Variants in BAIAP2L2 observed in about 807,000 individuals in gnomAD.
The protein encoded by BAIAP2L2 is BAR/IMD domain-containing adapter protein 2-like 2.
A neutral mutation model predicts 60.4 loss-of-function variants in BAIAP2L2; 65 were observed. The observed-to-expected ratio is 1.08, with a 90% CI of 0.88 to 1.32. BAIAP2L2 has a LOEUF of 1.32. Ranked by LOEUF, BAIAP2L2 falls within the 40% of genes most tolerant of loss-of-function variation. The pLI is 0.00. For synonymous variants in BAIAP2L2, 344 were observed against 301.7 expected (o/e 1.14, Z -1.45); for missense variants, 836 against 741.2 (o/e 1.13, Z -1.48).
rs377202814 is a variant in BAIAP2L2, at chr22:38,102,405, A to G, written c.277-3923T>C. Among the ~76,000 whole-genome samples the G allele has an allele frequency of 3.8e-4, 58 of 152,340 alleles. 1 individual carries two copies. The highest frequency in any genetic ancestry group is 1.3e-3 in the African/African-American group (56 of 41,586). On this transcript the variant is annotated intron_variant, in intron 4 of 13. Transcript: ENST00000381669. ...AGCTGCCATATTTTTGGAAAACTAC[A>G]TAAGAACAACAGAAAGAGATCTTGC...
At chr22:38,107,779 G>C in intron 4 of BAIAP2L2, 73 bp downstream of exon 4, 1 of 1,420,496 alleles carries the variant, frequency 7.0e-7, no homozygotes, top group Admixed American at 1.7e-5. Context: ...CATCTGGTAG[G>C]CTGGGCCCTC....
Position 38,084,966 on chromosome 22 carries a change from CGGAGCA to C in BAIAP2L2, c.*328_*333del, listed in dbSNP as rs1432853267. ...GTACAGAGAGGGCATGTGTTGGGCA[CGGAGCA>C]GGTACAAGGGGCTCCTCCCCACGGG... is the stretch of plus-strand genomic sequence containing the variant. On this transcript the variant is annotated 3_prime_UTR_variant, in exon 14 of 14. Coordinates refer to ENST00000381669, the MANE Select transcript of BAIAP2L2 (RefSeq NM_025045.6). 3.6e-6 allele frequency: 1 copy of C among 279,414 alleles called. No individual in the cohort carries two copies. Among genetic ancestry groups the C allele is most frequent in the Non-Finnish European group, 6.7e-6 (1 of 149,402 alleles). 17.3% of individuals were successfully genotyped at this position (279,414 alleles called of 1,614,324 possible). A position where few individuals can be genotyped will look rare whatever the true frequency, so the allele number is the denominator to read the frequency against.
chr22:38,100,483 C>T (rs1316889952), intron 4 of BAIAP2L2, among the ~76,000 whole-genome samples: 1 of 151,816 alleles, frequency 6.6e-6, no homozygotes, highest in African/African-American at 2.4e-5. Context: ...GCCGAGATCG[C>T]ACCACTGCAT....
intron 1 of BAIAP2L2, among the ~76,000 whole-genome samples, chr22:38,110,120 G>GGAGAGAGAGAGAGAGAGAGAGAGAGA: frequency 5.3e-5 from 1 of 18,828 alleles, no homozygotes; most frequent in Non-Finnish European, 2.1e-4. Flanking sequence ...AGAGAGAGAG[G>GGAGAGAGAGAGAGAGAGAGAGAGAGA]GAGAGAGAGA....
At chr22:38,094,824 C>CATGGGAGGT (rs372167713) in intron 7 of BAIAP2L2, among the ~76,000 whole-genome samples, 1 of 134,598 alleles carries the variant, frequency 7.4e-6, no homozygotes, top group African/African-American at 3.0e-5. Flanking sequence ...TCGGGGAGGG[C>CATGGGAGGT]GTGGGAGGCG....
intron 1 of BAIAP2L2, among the ~76,000 whole-genome samples, chr22:38,109,564 A>C (rs1486019487): frequency 6.6e-6 from 1 of 152,138 alleles, no homozygotes; most frequent in African/African-American, 2.4e-5. Flanking sequence ...CCCACTGGGC[A>C]CGGCTCAGCC....
chr22:38,095,565 A>G (rs954923238), intron 7 of BAIAP2L2, among the ~76,000 whole-genome samples: 18 of 152,058 alleles, frequency 1.2e-4, no homozygotes, highest in African/African-American at 4.1e-4. Context: ...GGGTTTCGCC[A>G]TGTTGGCCAG....
Position 38,086,314 on chromosome 22 carries a change from G to A in BAIAP2L2, c.1395C>T (p.Ser465=). The A allele has an allele frequency of 1.3e-6, 2 of 1,586,316 alleles. No individual in the cohort carries two copies. The highest frequency in any genetic ancestry group is 2.3e-5 in the East Asian group (1 of 44,302). The part of the protein sequence containing the change: ...TPSRVPSRAP[S]PAPPPLPSSR... Reference sequence around the variant, plus strand: ...TGCTGGGCAAGGGTGGAGGTGCAGGGCTGGGGGCACGGCTTGGCACCCGGC... The same window carrying A: ...TGCTGGGCAAGGGTGGAGGTGCAGGACTGGGGGCACGGCTTGGCACCCGGC... Residue 465 remains serine (S), a synonymous_variant, in exon 12 of 14, where the codon AGC becomes AGT. Transcript: ENST00000381669.
intron 4 of BAIAP2L2, 73 bp downstream of exon 4, chr22:38,107,779 G>A: frequency 7.0e-7 from 1 of 1,420,496 alleles, no homozygotes; most frequent in Admixed American, 1.7e-5. Flanking sequence ...CATCTGGTAG[G>A]CTGGGCCCTC....
intron 4 of BAIAP2L2, among the ~76,000 whole-genome samples, chr22:38,105,339 C>CTTTTTTTTTTTTT (rs1035690122): frequency 2.1e-5 from 2 of 94,964 alleles, no homozygotes; most frequent in African/African-American, 7.0e-5. Context: ...TTTTTCTTTT[C>CTTTTTTTTTTTTT]TTTTTTTTTT....
intron 6 of BAIAP2L2, 31 bp downstream of exon 6, chr22:38,098,032 C>CCCCCCCATACA: frequency 7.0e-7 from 1 of 1,429,562 alleles, no homozygotes; most frequent in Non-Finnish European, 9.8e-7. Context: ...CCCGCCCTTC[C>CCCCCCCATACA]TGGCCCACCC....
intron 7 of BAIAP2L2, among the ~76,000 whole-genome samples, chr22:38,095,561 C>T (rs896448193): frequency 2.0e-5 from 3 of 152,110 alleles, no homozygotes; most frequent in African/African-American, 7.2e-5. Flanking sequence ...AACGGGGTTT[C>T]GCCATGTTGG....
chr22:38,088,649 G>A (rs1183498467), intron 10 of BAIAP2L2, 99 bp downstream of exon 10: 1 of 1,241,116 alleles, frequency 8.1e-7, no homozygotes, highest in Non-Finnish European at 1.1e-6. Context: ...AGGCCCCCGG[G>A]GGAGGCCAGG....
At chr22:38,088,630 C>G in intron 10 of BAIAP2L2, 118 bp downstream of exon 10, 1 of 1,020,760 alleles carries the variant, frequency 9.8e-7, no homozygotes, top group South Asian at 1.7e-5. Flanking sequence ...AGGAGAGGAG[C>G]ATTGTCCGAG....
chr22:38,098,207 G>A, intron 5 of BAIAP2L2, 28 bp from the exon 6 acceptor site: 1 of 1,604,620 alleles, frequency 6.2e-7, no homozygotes, highest in Middle Eastern at 1.7e-4. Context: ...CGGGGAGGGA[G>A]AATCCCCCCA....
chr22:38,088,016 G>A (rs991477297), intron 10 of BAIAP2L2, among the ~76,000 whole-genome samples: 2 of 151,856 alleles, frequency 1.3e-5, no homozygotes, highest in East Asian at 1.9e-4. Context: ...TCATCCATCC[G>A]TGGGCTGGTG....
chr22:38,086,357 G>T lies in BAIAP2L2; in HGVS notation c.1352C>A (p.Ser451Tyr). 1 of 773,928 alleles carries T rather than the reference G, an allele frequency of 1.3e-6. No homozygotes were observed. The highest frequency in any genetic ancestry group is 1.9e-6 in the Non-Finnish European group (1 of 525,008). 47.9% of individuals were successfully genotyped at this position (773,928 alleles called of 1,614,324 possible). Residue 451 changes from serine to tyrosine, a missense_variant, in exon 12 of 14, where the codon TCC (serine) becomes TAC (tyrosine). Ser to Tyr is a moderately radical substitution (Grantham distance 144). Transcript: ENST00000381669. ...IAPSEYWDGQSRSRTPSRVPS... is the reference protein window; with the variant it reads ...IAPSEYWDGQYRSRTPSRVPS... ...CACCCGGCTTGGGGTGCGGGAGCGG[G>T]ACTGGCCATCCCAGTACTCCGAGGG...
intron 7 of BAIAP2L2, among the ~76,000 whole-genome samples, chr22:38,094,375 G>A (rs1416329028): frequency 6.6e-6 from 1 of 152,034 alleles, no homozygotes; most frequent in Admixed American, 6.6e-5. Flanking sequence ...TAGTAGAGAC[G>A]GGTTTTCACC....
chr22:38,105,120 T>C (rs2086637548), intron 4 of BAIAP2L2, among the ~76,000 whole-genome samples: 1 of 152,156 alleles, frequency 6.6e-6, no homozygotes, highest in Non-Finnish European at 1.5e-5. Context: ...CTGTCCCTCC[T>C]TGGCTCAAGA....
Sources: allele counts gnomAD v4.1 joint callset (sites outside exome capture counted in the v4.1 genomes callset), GRCh38; gene constraint gnomAD v4.1.1; transcripts MANE v1.5; gene names NCBI Gene and HGNC (gene_info 2026-07-23, HGNC 2026-07-21).